The following TLE1 variants were observed in gnomAD, a reference collection of about 807,000 sequenced individuals.
The protein encoded by TLE1 is TLE family member 1, transcriptional corepressor, also known as transducin-like enhancer protein 1.
A neutral mutation model predicts 89.8 loss-of-function variants in TLE1; 21 were observed. The observed-to-expected ratio is 0.23, with a 90% CI of 0.17 to 0.34. The LOEUF is 0.34. Ranked by LOEUF, TLE1 falls within the 10% of genes least tolerant of loss-of-function variation. TLE1 has a pLI of 1.00. For missense variants in TLE1, 795 were observed against 1,031.2 expected, an observed-to-expected ratio of 0.77 and a Z score of 3.14; for synonymous variants, 447 against 407.6, an observed-to-expected ratio of 1.10 and a Z score of -1.16.
intron 14 of TLE1, among the ~76,000 whole-genome samples, chr9:81,604,869 A>G (rs1450990014): frequency 2.6e-5 from 4 of 151,940 alleles, no homozygotes; most frequent in Non-Finnish European, 4.4e-5. Context: ...CTTCAGCTTC[A>G]CCCCACGAAG....
chr9:81,614,057 G>A (rs1446356925), intron 11 of TLE1, among the ~76,000 whole-genome samples: 3 of 151,892 alleles, frequency 2.0e-5, no homozygotes, highest in Non-Finnish European at 2.9e-5. Flanking sequence ...ACAGGTGCCC[G>A]CCACCATGCC....
rs1294347908 is a variant in TLE1 at position 81,584,063 on chromosome 9, A to G, written c.*135T>C. On this transcript the variant is annotated 3_prime_UTR_variant, in exon 20 of 20. Coordinates refer to ENST00000376499, the MANE Select transcript of TLE1 (RefSeq NM_005077.5). ...TTGTCGCCTCCTCTTTGTAGACTCA[A>G]AGTAGTTTTCTGTCAAGGTTTGGAA... is the stretch of plus-strand genomic sequence containing the variant. The G allele has an allele frequency of 1.4e-6, 1 of 738,372 alleles. No homozygotes were observed. The highest frequency in any genetic ancestry group is 2.2e-6 in the Non-Finnish European group (1 of 447,600). 45.7% of individuals were successfully genotyped at this position (738,372 alleles called of 1,614,324 possible). A position where few individuals can be genotyped will look rare whatever the true frequency, so the allele number is the denominator to read the frequency against.
intron 12 of TLE1, among the ~76,000 whole-genome samples, chr9:81,612,633 T>A (rs11139339): frequency 6.6e-6 from 1 of 152,154 alleles, no homozygotes; most frequent in Non-Finnish European, 1.5e-5. Context: ...AGGAGCACGG[T>A]TGGGCCAGCC....
chr9:81,685,978 A>G, intron 2 of TLE1, 82 bp from the exon 3 acceptor site: 2 of 1,475,428 alleles, frequency 1.4e-6, no homozygotes, highest in Non-Finnish European at 1.9e-6. Flanking sequence ...CACTTCAAGT[A>G]AAAACACAGA....
intron 4 of TLE1, among the ~76,000 whole-genome samples, chr9:81,659,437 T>A (rs117018389): frequency 0.031 from 4,794 of 152,310 alleles, 98 homozygotes; most frequent in Non-Finnish European, 0.045. Context: ...TGTGCCTAGA[T>A]TTTTTAATAC....
chr9:81,644,268 C>A (rs1318260865), intron 6 of TLE1, among the ~76,000 whole-genome samples: 1 of 152,144 alleles, frequency 6.6e-6, no homozygotes, highest in Non-Finnish European at 1.5e-5. Context: ...AAAACCTGTA[C>A]ACAAATGTTC....
chr9:81,659,385 C>G (rs117743982), intron 4 of TLE1, among the ~76,000 whole-genome samples: 4,673 of 152,218 alleles, frequency 0.031, 91 homozygotes, highest in Non-Finnish European at 0.043. Context: ...TGATGAATAC[C>G]TATTTGGTAC....
chr9:81,624,417 G>T (rs1481776135), intron 8 of TLE1, among the ~76,000 whole-genome samples: 1 of 152,124 alleles, frequency 6.6e-6, no homozygotes, highest in African/African-American at 2.4e-5. Flanking sequence ...ATCACCAGAG[G>T]TAATCATCCT....
At chr9:81,589,669 A>C (rs1337823312) in intron 16 of TLE1, among the ~76,000 whole-genome samples, 1 of 152,186 alleles carries the variant, frequency 6.6e-6, no homozygotes, top group Non-Finnish European at 1.5e-5. Context: ...AATGGGGCAA[A>C]TAGCAGGACA....
rs761493251 is a variant in TLE1 at position 81,652,302 on chromosome 9, G to C, written c.298-14C>G. Reference sequence around the variant, plus strand: ...CTGTTGTTGATGCTTTGAAAACAAGGAGAAGAAAGGGCATTAGCAACAGCC... The same window carrying C: ...CTGTTGTTGATGCTTTGAAAACAAGCAGAAGAAAGGGCATTAGCAACAGCC... On this transcript the variant is annotated splice_polypyrimidine_tract_variant and intron_variant, in intron 5 of 19. Transcript: ENST00000376499. 3 of 1,611,874 alleles carry C rather than the reference G, an allele frequency of 1.9e-6. No homozygotes were observed. Among genetic ancestry groups the C allele is most frequent in the Non-Finnish European group, 1.7e-6 (2 of 1,178,474 alleles).
chr9:81,608,795 G>A (rs1823308703), intron 14 of TLE1, among the ~76,000 whole-genome samples: 1 of 151,896 alleles, frequency 6.6e-6, no homozygotes, highest in Non-Finnish European at 1.5e-5. Flanking sequence ...AAATTAGCCA[G>A]GCATAGTGGC....
chr9:81,642,316 C>A (rs1828232190), intron 6 of TLE1, among the ~76,000 whole-genome samples: 1 of 152,076 alleles, frequency 6.6e-6, no homozygotes, highest in Non-Finnish European at 1.5e-5. Context: ...TTGCAATATT[C>A]TTACTGGCTG....
intron 8 of TLE1, among the ~76,000 whole-genome samples, chr9:81,627,388 A>C (rs1826036596): frequency 6.6e-6 from 1 of 151,898 alleles, no homozygotes; most frequent in South Asian, 2.1e-4. Flanking sequence ...CTGAACGTTA[A>C]TCCAGTCCCA....
rs1834678898 is a variant in TLE1, at chr9:81,688,637, T to G, written c.-397A>C. 1 of 207,828 alleles carries G rather than the reference T, an allele frequency of 4.8e-6. No homozygotes were observed. Among genetic ancestry groups the G allele is most frequent in the Non-Finnish European group, 9.5e-6 (1 of 105,324 alleles). 12.9% of individuals were successfully genotyped at this position (207,828 alleles called of 1,614,324 possible). On this transcript the variant is annotated 5_prime_UTR_variant, in exon 1 of 20. Transcript: ENST00000376499. The stretch of plus-strand genomic sequence containing the variant: ...CGATCCGCGTGCGCGGCGCCAGTCC[T>G]GGGCAAACAAATCCAGACGGACTGC...
At chr9:81,642,530 T>TA (rs35355418) in intron 6 of TLE1, among the ~76,000 whole-genome samples, 17 of 147,618 alleles carry the variant, frequency 1.2e-4, no homozygotes, top group South Asian at 2.2e-4. Flanking sequence ...CGTCTCTACT[T>TA]AAAAAAAAAA....
At chr9:81,645,853 T>C (rs1310108050) in intron 6 of TLE1, among the ~76,000 whole-genome samples, 1 of 152,242 alleles carries the variant, frequency 6.6e-6, no homozygotes, top group Non-Finnish European at 1.5e-5. Context: ...AAACATCTCC[T>C]GTACCTCATA....
At chr9:81,662,361 T>TGTGTGTG (rs1830910106) in intron 4 of TLE1, among the ~76,000 whole-genome samples, 3 of 138,360 alleles carry the variant, frequency 2.2e-5, no homozygotes, top group Admixed American at 7.3e-5. Context: ...TGTGCCTGTT[T>TGTGTGTG]TGTGTGTGTG....
At chr9:81,615,726 AAAAGAAG>A (rs1563974044) in intron 11 of TLE1, among the ~76,000 whole-genome samples, 2 of 146,956 alleles carry the variant, frequency 1.4e-5, no homozygotes, top group African/African-American at 2.5e-5. Context: ...AAAAAAAAAA[AAAAGAAG>A]AAGAAGAAGA....
At chr9:81,599,236 G>A (rs1830601657) in intron 14 of TLE1, among the ~76,000 whole-genome samples, 1 of 152,152 alleles carries the variant, frequency 6.6e-6, no homozygotes, top group Non-Finnish European at 1.5e-5. Context: ...GATAGGCTAA[G>A]TAACTCGCCC....
Sources: gnomAD v4.1 joint callset for allele counts (sites outside exome capture counted in the v4.1 genomes callset) on GRCh38, gnomAD v4.1.1 for gene constraint, MANE v1.5 for transcripts, NCBI Gene and HGNC (gene_info 2026-07-23, HGNC 2026-07-21) for gene names.